ADAM10: variants seen among roughly 807,000 people sequenced by gnomAD.
ADAM10 encodes the protein ADAM metallopeptidase domain 10.
Under a neutral mutation model 90.1 loss-of-function variants are expected in ADAM10, and 17 were observed. The observed-to-expected ratio is 0.19, with a 90% confidence interval of 0.13 to 0.28. The LOEUF is 0.28. Ranked by LOEUF, ADAM10 falls within the 10% of genes least tolerant of loss-of-function variation. ADAM10 has a pLI of 1.00. For synonymous variants in ADAM10, 310 were observed against 298.6 expected (o/e 1.04, Z -0.40); for missense variants, 610 against 914.3 (o/e 0.67, Z 4.29).
chr15:58,739,965 C>T (rs1371654500), intron 1 of ADAM10, among the ~76,000 whole-genome samples: 2 of 152,192 alleles, frequency 1.3e-5, no homozygotes, highest in African/African-American at 4.8e-5. Flanking sequence ...ATTCTGTAGT[C>T]TTAATAACAC....
At chr15:58,676,227 A>G (rs1187775441) in intron 4 of ADAM10, 1 of 449,076 alleles carries the variant, frequency 2.2e-6, no homozygotes, top group Non-Finnish European at 4.5e-6. Context: ...AGAAGAGCAC[A>G]GGGTAAAGAA....
chr15:58,650,883 T>C (rs1457900647), intron 5 of ADAM10, among the ~76,000 whole-genome samples: 1 of 152,124 alleles, frequency 6.6e-6, no homozygotes, highest in Non-Finnish European at 1.5e-5. Flanking sequence ...ATTTTATACA[T>C]TGTGAAAGCA....
intron 1 of ADAM10, among the ~76,000 whole-genome samples, chr15:58,735,592 T>C (rs1341122518): frequency 1.3e-5 from 2 of 152,172 alleles, no homozygotes; most frequent in East Asian, 1.9e-4. Flanking sequence ...AAATCCTATA[T>C]AAATAGTTGT....
In ADAM10 at chr15:58,669,807, C is replaced by T. The variant is rs562374985; in HGVS notation, c.485-4610G>A. ...CTATTTATCAACAAAAAGTTATTAA[C>T]TTTTAATACATACAACATGGACGAA... is the stretch of plus-strand genomic sequence containing the variant. On this transcript the variant is annotated intron_variant, in intron 4 of 15. Transcript: ENST00000260408. Among the ~76,000 whole-genome samples, 10 of 152,254 alleles carry T rather than the reference C, an allele frequency of 6.6e-5. No individual in the cohort carries two copies. The South Asian group carries it at 2.1e-3, about 32-fold the overall frequency.
Position 58,597,180 on chromosome 15 carries a change from T to C in ADAM10, c.*367A>G. ...AGCCTTGATTGGCAGTTGAAAAAAA[T>C]ATATTTATTTCAATTTGTGGTAAAA... is the stretch of plus-strand genomic sequence containing the variant. On this transcript the variant is annotated 3_prime_UTR_variant, in exon 16 of 16. Transcript: ENST00000260408. The C allele has an allele frequency of 3.5e-6, 2 of 564,514 alleles. No individual in the cohort carries two copies. The highest frequency in any genetic ancestry group is 6.1e-6 in the Non-Finnish European group (2 of 328,252). The allele number at this position is 564,514 out of a possible 1,614,324, so 35.0% of individuals were successfully genotyped here.
At chr15:58,712,004 C>T in intron 2 of ADAM10, among the ~76,000 whole-genome samples, 1 of 152,142 alleles carries the variant, frequency 6.6e-6, no homozygotes, top group East Asian at 1.9e-4. Flanking sequence ...TATATATATA[C>T]ATACAACGTA....
intron 4 of ADAM10, among the ~76,000 whole-genome samples, chr15:58,671,723 T>C (rs567293048): frequency 2.0e-4 from 30 of 152,290 alleles, no homozygotes; most frequent in African/African-American, 6.7e-4. Flanking sequence ...TAAATATATA[T>C]ATTTTTTAAA....
intron 9 of ADAM10, among the ~76,000 whole-genome samples, chr15:58,630,865 TC>T (rs1211008902): frequency 6.6e-6 from 1 of 152,078 alleles, no homozygotes; most frequent in Non-Finnish European, 1.5e-5. Context: ...TGGATGTCTG[TC>T]CCCCCAAATT....
intron 2 of ADAM10, among the ~76,000 whole-genome samples, chr15:58,688,766 TTATA>T (rs780219725): frequency 0.01 from 1,221 of 121,862 alleles, 49 homozygotes; most frequent in African/African-American, 0.042. Context: ...AAAAAAAAAA[TTATA>T]TATATATATA....
Position 58,643,991 on chromosome 15 carries a change from A to G in ADAM10, c.736-13T>C, listed in dbSNP as rs766100188. 1 of 1,574,866 alleles carries G rather than the reference A, an allele frequency of 6.3e-7. No homozygotes were observed. The highest frequency in any genetic ancestry group is 1.1e-5 in the South Asian group (1 of 90,046). On this transcript the variant is annotated splice_polypyrimidine_tract_variant and intron_variant, in intron 6 of 15. Transcript: ENST00000260408. ...CATGACTGGATATCTATGATTTAAAAAAAAGAACATTTTAGAGGCAATGTT... is the reference window on the plus strand; with the variant it reads ...CATGACTGGATATCTATGATTTAAAGAAAAGAACATTTTAGAGGCAATGTT...
chr15:58,627,880 C>T lies in ADAM10; in HGVS notation c.1180G>A (p.Asp394Asn). The change falls in exon 10 of 16, where the codon GAT becomes AAT. Residue 394 changes from aspartate to asparagine, a missense_variant. By Grantham distance (23) the Asp-to-Asn change is conservative (BLOSUM62 1). Transcript: ENST00000260408. Reference protein sequence around the residue: ...EVGHNFGSPHDSGTECTPGES... With the variant: ...EVGHNFGSPHNSGTECTPGES... ...CCTGGTGTGCACTCTGTTCCAGAAT[C>T]ATGCTGTCAAAAAGAATATAAAGTT... 1 of 1,613,160 alleles carries T rather than the reference C, an allele frequency of 6.2e-7. No homozygotes were observed. The highest frequency in any genetic ancestry group is 8.5e-7 in the Non-Finnish European group (1 of 1,179,638).
In ADAM10 at chr15:58,646,042, T is replaced by C. The variant is rs765016213; in HGVS notation, c.735+13A>G. On this transcript the variant is annotated intron_variant, in intron 6 of 15. Coordinates refer to ENST00000260408, the MANE Select transcript of ADAM10 (RefSeq NM_001110.4). The stretch of plus-strand genomic sequence containing the variant: ...ATATGGGAACTACTAAAATAGCGCA[T>C]AATCATAAATACCTGGGCAATCACA... 8 of 1,612,816 alleles carry C rather than the reference T, an allele frequency of 5.0e-6. No individual in the cohort carries two copies. In the East Asian group the frequency reaches 1.3e-4, roughly 27 times the overall value.
chr15:58,721,109 A>G (rs774967668), intron 1 of ADAM10, among the ~76,000 whole-genome samples: 35 of 152,244 alleles, frequency 2.3e-4, no homozygotes, highest in Non-Finnish European at 4.1e-4. Context: ...TGAAGCACTC[A>G]TGACAAAAGC....
intron 3 of ADAM10, 127 bp downstream of exon 3, chr15:58,682,067 CCT>C: frequency 7.9e-7 from 1 of 1,260,136 alleles, no homozygotes; most frequent in Middle Eastern, 2.8e-4. Flanking sequence ...AGACCATTAC[CCT>C]TCATATGAAT....
rs202106839 is a variant in ADAM10, at chr15:58,749,582, A to C, written c.-48T>G. Reference sequence around the variant, plus strand: ...CGCCGCCTCCTCACGGGTTAACAGCAGCACATCGATCCGGAGGGAGAAGCT... The same window carrying C: ...CGCCGCCTCCTCACGGGTTAACAGCCGCACATCGATCCGGAGGGAGAAGCT... On this transcript the variant is annotated 5_prime_UTR_variant, in exon 1 of 16. Transcript: ENST00000260408. 6.5e-6 allele frequency: 10 copies of C among 1,548,280 alleles called. No individual in the cohort carries two copies. The highest frequency in any genetic ancestry group is 1.7e-4 in the Middle Eastern group (1 of 5,986).
chr15:58,597,102 A>C lies in ADAM10; in HGVS notation c.*445T>G. The C allele has an allele frequency of 3.0e-6, 1 of 329,080 alleles. No homozygotes were observed. Among genetic ancestry groups the C allele is most frequent in the Non-Finnish European group, 5.7e-6 (1 of 175,728 alleles). The allele number at this position is 329,080 out of a possible 1,614,324, so 20.4% of individuals were successfully genotyped here. A position where few individuals can be genotyped will look rare whatever the true frequency, so the allele number is the denominator to read the frequency against. On this transcript the variant is annotated 3_prime_UTR_variant, in exon 16 of 16. Transcript: ENST00000260408. Reference sequence around the variant, plus strand: ...AAGAAATACATGTCTGCATATAACAAGGTATGTACATTGGCAAGTGATGTC... The same window carrying C: ...AAGAAATACATGTCTGCATATAACACGGTATGTACATTGGCAAGTGATGTC...
chr15:58,711,404 T>G (rs1166111368), intron 2 of ADAM10, among the ~76,000 whole-genome samples: 1 of 152,232 alleles, frequency 6.6e-6, no homozygotes, highest in East Asian at 1.9e-4. Context: ...TTATCTTGTC[T>G]AAACTTCAAG....
chr15:58,735,512 T>C (rs965757590), intron 1 of ADAM10, among the ~76,000 whole-genome samples: 2 of 152,192 alleles, frequency 1.3e-5, no homozygotes, highest in Non-Finnish European at 2.9e-5. Flanking sequence ...GGTATTTGCA[T>C]ACAACCTATG....
At chr15:58,723,453 G>A (rs1898923976) in intron 1 of ADAM10, among the ~76,000 whole-genome samples, 2 of 152,282 alleles carry the variant, frequency 1.3e-5, no homozygotes, top group Admixed American at 6.5e-5. Flanking sequence ...GGGAAGCTGA[G>A]GTGGGTAGAT....
Sources: gnomAD v4.1 joint callset for allele counts (sites outside exome capture counted in the v4.1 genomes callset) on GRCh38, gnomAD v4.1.1 for gene constraint, MANE v1.5 for transcripts, NCBI Gene and HGNC (gene_info 2026-07-23, HGNC 2026-07-21) for gene names.